HECTD4: variants seen among roughly 807,000 people sequenced by gnomAD.
HECTD4 encodes HECT domain E3 ubiquitin protein ligase 4.
HECTD4 carries 114 observed loss-of-function variants against 471.5 expected under a neutral mutation model. The ratio of observed to expected loss-of-function variants is 0.24; its 90% CI spans 0.21 to 0.28. The LOEUF (loss-of-function observed/expected upper bound fraction) is 0.28. HECTD4 is among the 10% of genes least tolerant of loss of function. The pLI, the probability that HECTD4 is intolerant of heterozygous loss-of-function variation, is 1.00. For synonymous variants in HECTD4, 2,012 were observed against 2,256.0 expected, an observed-to-expected ratio of 0.89 and a Z score of 3.07; for missense variants, 3,866 against 5,651.5, an observed-to-expected ratio of 0.68 and a Z score of 10.13.
chr12:112,220,276 C>T (rs1220486124), intron 44 of HECTD4, among the ~76,000 whole-genome samples: 4 of 151,954 alleles, frequency 2.6e-5, no homozygotes, highest in African/African-American at 4.8e-5. Context: ...AGGCACACTG[C>T]GAAGTGTTGG....
At chr12:112,168,192 C>T (rs2031059116) in intron 70 of HECTD4, among the ~76,000 whole-genome samples, 1 of 152,180 alleles carries the variant, frequency 6.6e-6, no homozygotes, top group Non-Finnish European at 1.5e-5. Context: ...GTACCTACCC[C>T]GAAGGCCATT....
chr12:112,167,509 G>T lies in HECTD4; in HGVS notation c.12342C>A (p.Ile4114=), dbSNP rs376389293. 2 of 1,605,730 alleles carry T rather than the reference G, an allele frequency of 1.2e-6. No homozygotes were observed. Among genetic ancestry groups the T allele is most frequent in the African/African-American group, 2.7e-5 (2 of 74,812 alleles). Residue 4114 remains isoleucine (I), a synonymous_variant, in exon 72 of 76, where the codon ATC becomes ATA. Coordinates refer to ENST00000682272, the MANE Select transcript of HECTD4 (RefSeq NM_001388303.1). ...KGKYILTPSP[I]TYGEEQLLHF... is the part of the protein sequence containing the mutation. ...GCAGCAGCTGCTCCTCCCCGTAGGTGATGGGGCTCGGGGTCAGGATATACT... is the reference window on the plus strand; with the variant it reads ...GCAGCAGCTGCTCCTCCCCGTAGGTTATGGGGCTCGGGGTCAGGATATACT...
At chr12:112,282,585 A>G (rs894732689) in intron 8 of HECTD4, among the ~76,000 whole-genome samples, 4 of 152,226 alleles carry the variant, frequency 2.6e-5, no homozygotes, top group African/African-American at 9.6e-5. Flanking sequence ...GGGTGGGGTC[A>G]CAATATAAAA....
intron 66 of HECTD4, among the ~76,000 whole-genome samples, chr12:112,174,059 C>T (rs1189066266): frequency 1.3e-5 from 2 of 151,450 alleles, no homozygotes; most frequent in African/African-American, 4.9e-5. Context: ...CTCACCACAA[C>T]CCCCGCCTCC....
At chr12:112,168,151 A>G (rs1290186192) in intron 70 of HECTD4, among the ~76,000 whole-genome samples, 1 of 152,168 alleles carries the variant, frequency 6.6e-6, no homozygotes, top group East Asian at 1.9e-4. Context: ...CCTGAGGCTC[A>G]GTCACCTGTC....
At chr12:112,169,047 C>T (rs1302549287) in intron 70 of HECTD4, among the ~76,000 whole-genome samples, 1 of 152,238 alleles carries the variant, frequency 6.6e-6, no homozygotes, top group Non-Finnish European at 1.5e-5. Context: ...TCTTCTCCAT[C>T]TGCAGTGGAC....
At chr12:112,278,474 A>G (rs1042897497) in intron 9 of HECTD4, among the ~76,000 whole-genome samples, 3 of 151,722 alleles carry the variant, frequency 2.0e-5, no homozygotes, top group Non-Finnish European at 4.4e-5. Context: ...GCCTCCTTAT[A>G]ATAATATATG....
At chr12:112,320,711 A>T (rs2035568552) in intron 1 of HECTD4, among the ~76,000 whole-genome samples, 1 of 152,022 alleles carries the variant, frequency 6.6e-6, no homozygotes. Flanking sequence ...AAAAAAAAAA[A>T]GTTAAAGTTT....
rs545960951 is a variant in HECTD4 at position 112,335,295 on chromosome 12, C to T, written c.178-15553G>A. ...AACTCAGGAATGGAAAACCAAACAT[C>T]GTATGTTCTCACTTGTAAGTGGGAG... On this transcript the variant is annotated intron_variant, in intron 1 of 75. Coordinates refer to ENST00000682272, the MANE Select transcript of HECTD4 (RefSeq NM_001388303.1). Among the ~76,000 whole-genome samples, 144 of 152,214 alleles carry T rather than the reference C, an allele frequency of 9.5e-4. 1 individual carries two copies. The highest frequency in any genetic ancestry group is 3.2e-3 in the African/African-American group (135 of 41,540).
chr12:112,243,291 A>G lies in HECTD4; in HGVS notation c.4958+62T>C. The G allele has an allele frequency of 7.0e-7, 1 of 1,437,402 alleles. No individual in the cohort carries two copies. The highest frequency in any genetic ancestry group is 9.5e-7 in the Non-Finnish European group (1 of 1,051,780). 89.0% of individuals were successfully genotyped at this position (1,437,402 alleles called of 1,614,324 possible). A position where few individuals can be genotyped will look rare whatever the true frequency, so the allele number is the denominator to read the frequency against. ...CCGCCTATGTTTGGGTCCCAAGAAT[A>G]ATCTTTTGAATGGCTCTGACCATTC... On this transcript the variant is annotated intron_variant, in intron 32 of 75. Transcript: ENST00000682272. This position sits in a 1 kb window ranked among gnomAD's most constrained non-coding sequence, Gnocchi z 6.6.
intron 52 of HECTD4, among the ~76,000 whole-genome samples, chr12:112,205,132 CAAA>C (rs397851178): frequency 1.3e-5 from 1 of 77,698 alleles, no homozygotes; most frequent in Non-Finnish European, 2.8e-5. Flanking sequence ...GACTCCATCT[CAAA>C]AAAAAAAAAA....
At chr12:112,247,699 T>C in intron 27 of HECTD4, 149 bp from the exon 28 acceptor site, 1 of 447,320 alleles carries the variant, frequency 2.2e-6, no homozygotes, top group East Asian at 3.4e-5. Context: ...TTATTTGATA[T>C]TTTAATGATT....
In HECTD4 at chr12:112,261,445, C is replaced by A. The variant is rs769210296; in HGVS notation, c.2749-16G>T. ...CTTTTAGCTCCTAGGCAGAAAATAT[C>A]ATCATATTATTTTTAAGCTTTGTGA... is the stretch of plus-strand genomic sequence containing the variant. On this transcript the variant is annotated splice_polypyrimidine_tract_variant and intron_variant, in intron 17 of 75. Transcript: ENST00000682272. 11 of 1,585,146 alleles carry A rather than the reference C, an allele frequency of 6.9e-6. No individual in the cohort carries two copies. The highest frequency in any genetic ancestry group is 9.5e-6 in the Non-Finnish European group (11 of 1,157,708).
At position 112,376,347 on chromosome 12, in the gene HECTD4, C is replaced by T. The variant is rs566873546; in HGVS notation, c.177+5605G>A. On this transcript the variant is annotated intron_variant, in intron 1 of 75. Coordinates refer to ENST00000682272, the MANE Select transcript of HECTD4 (RefSeq NM_001388303.1). ...CTGCAAGCTCCGCCTCCTGGGTTCACGCCATTCTCCTGCCTCAGCCTCCCG... is the reference window on the plus strand; with the variant it reads ...CTGCAAGCTCCGCCTCCTGGGTTCATGCCATTCTCCTGCCTCAGCCTCCCG... Among the ~76,000 whole-genome samples, 126 of 152,098 alleles carry T rather than the reference C, an allele frequency of 8.3e-4. 3 individuals are homozygous for T. The South Asian group carries it at 0.025, about 30-fold the overall frequency.
In HECTD4 at chr12:112,252,526, C is replaced by T. The variant is rs778508387; in HGVS notation, c.3450G>A (p.Val1150=). ...GTGWPKDLVK[V]EGDTVTFSFE... is the part of the protein sequence containing the mutation. ...AGGAGAAGGTGACTGTATCTCCTTC[C>T]ACCTTAAAATTTAAGGAAGGGGGGG... is the stretch of plus-strand genomic sequence containing the variant. Residue 1150 remains valine (V), a splice_region_variant and synonymous_variant, in exon 23 of 76, where the codon GTG becomes GTA. Coordinates refer to ENST00000682272, the MANE Select transcript of HECTD4 (RefSeq NM_001388303.1). 6.8e-6 allele frequency: 11 copies of T among 1,608,130 alleles called. No individual in the cohort carries two copies. The East Asian group carries it at 2.0e-4, about 30-fold the overall frequency.
At chr12:112,366,969 A>G (rs1364462605) in intron 1 of HECTD4, among the ~76,000 whole-genome samples, 1 of 151,422 alleles carries the variant, frequency 6.6e-6, no homozygotes, top group African/African-American at 2.4e-5. Context: ...TACACTGCCA[A>G]TACTACTTGG....
chr12:112,352,555 C>T (rs1325279595), intron 1 of HECTD4, among the ~76,000 whole-genome samples: 2 of 151,836 alleles, frequency 1.3e-5, no homozygotes, highest in Non-Finnish European at 2.9e-5. Context: ...AGGCTGGTCT[C>T]GAACTCCTGA....
At position 112,179,022 on chromosome 12, in the gene HECTD4, C is replaced by T. The variant is rs374106393; in HGVS notation, c.11272G>A (p.Gly3758Arg). The part of the protein sequence containing the change: ...KFDKSKYSKA[G>R]KEQHPVKVVS... ...ACCTTCACGGGGTGCTGCTCCTTCC[C>T]GGCCTTGCTGTACTTGCTCTTGTCA... is the stretch of plus-strand genomic sequence containing the variant. The change falls in exon 64 of 76, where the codon GGG becomes AGG. Residue 3758 changes from glycine (G) to arginine (R), a missense_variant. Coordinates refer to ENST00000682272, the MANE Select transcript of HECTD4 (RefSeq NM_001388303.1). This position sits in a 1 kb window ranked among gnomAD's most constrained non-coding sequence, Gnocchi z 4.3. 15 of 1,613,704 alleles carry T rather than the reference C, an allele frequency of 9.3e-6. No individual in the cohort carries two copies. The highest frequency in any genetic ancestry group is 1.7e-5 in the Admixed American group (1 of 59,966).
At position 112,235,874 on chromosome 12, in the gene HECTD4, A is replaced by G. The variant is rs2033491828; in HGVS notation, c.5445-90T>C. 9.0e-7 allele frequency: 1 copy of G among 1,106,406 alleles called. No homozygotes were observed. The highest frequency in any genetic ancestry group is 1.3e-6 in the Non-Finnish European group (1 of 785,476). The allele number at this position is 1,106,406 out of a possible 1,614,324, so 68.5% of individuals were successfully genotyped here. A position where few individuals can be genotyped will look rare whatever the true frequency, so the allele number is the denominator to read the frequency against. ...AGAGTTCTCTGAATGAAACAAACCA[A>G]TGAAATCTGATTTCACGAGGAATCA... On this transcript the variant is annotated intron_variant, in intron 35 of 75. Coordinates refer to ENST00000682272, the MANE Select transcript of HECTD4 (RefSeq NM_001388303.1). This position sits in a 1 kb window ranked among gnomAD's most constrained non-coding sequence, Gnocchi z 5.0.
Sources: allele counts gnomAD v4.1 joint callset (sites outside exome capture counted in the v4.1 genomes callset), GRCh38; gene constraint gnomAD v4.1.1; non-coding constraint Gnocchi (gnomAD v3.1); transcripts MANE v1.5; gene names NCBI Gene and HGNC (gene_info 2026-07-23, HGNC 2026-07-21).